Variants in NRDC observed in about 807,000 individuals in gnomAD.
NRDC encodes nardilysin convertase, also known as nardilysin.
In NRDC, 54 loss-of-function variants were observed where a neutral mutation model predicts 147.1. The ratio of observed to expected loss-of-function variants is 0.37; its 90% CI spans 0.29 to 0.46. NRDC has a LOEUF of 0.46. Among genes scored for constraint, NRDC ranks in the 20% least tolerant of loss-of-function variants. The pLI, the probability that NRDC is intolerant of heterozygous loss-of-function variation, is 1.00. For synonymous variants in NRDC, 440 were observed against 482.1 expected (o/e 0.91, Z 1.14); for missense variants, 1,082 against 1,370.6 (o/e 0.79, Z 3.33).
chr1:51,878,114 G>A (rs1226884458), intron 1 of NRDC, 161 bp downstream of exon 1: 1 of 1,423,810 alleles, frequency 7.0e-7, no homozygotes, highest in Middle Eastern at 2.6e-4. Context: ...ACACCACAGG[G>A]AAGCCTCTAA....
chr1:51,846,720 T>C (rs532069345), intron 1 of NRDC, among the ~76,000 whole-genome samples: 123 of 152,382 alleles, frequency 8.1e-4, no homozygotes, highest in African/African-American at 2.6e-3. Flanking sequence ...CCAACAGCGA[T>C]GGAACTCGAC....
In NRDC at chr1:51,878,660, ACCT is replaced by A. The variant is rs781335304; in HGVS notation, c.-48_-46del. The A allele has an allele frequency of 1.4e-5, 22 of 1,526,784 alleles. No individual in the cohort carries two copies. The African/African-American group carries it at 2.5e-4, about 17-fold the overall frequency. 94.6% of individuals were successfully genotyped at this position (1,526,784 alleles called of 1,614,324 possible). On this transcript the variant is annotated 5_prime_UTR_variant, in exon 1 of 31. Coordinates refer to ENST00000352171, the MANE Select transcript of NRDC (RefSeq NM_001101662.2). ...ATGGACATCCCGCTTCCCAGGACCC[ACCT>A]CCTCCGCGTTCTAGAGGCGGTGGCG...
At chr1:51,813,055 G>C (rs1029246607) in intron 14 of NRDC, among the ~76,000 whole-genome samples, 4 of 151,994 alleles carry the variant, frequency 2.6e-5, no homozygotes, top group Admixed American at 2.6e-4. Flanking sequence ...CAATGAGGGA[G>C]GATAACTTGA....
chr1:51,868,573 TGTA>T (rs1682931857), intron 1 of NRDC, among the ~76,000 whole-genome samples: 1 of 152,170 alleles, frequency 6.6e-6, no homozygotes, highest in African/African-American at 2.4e-5. Flanking sequence ...AAATCTATCA[TGTA>T]GTAACAGTAC....
chr1:51,842,974 G>A (rs751163536), intron 1 of NRDC, among the ~76,000 whole-genome samples: 2 of 150,376 alleles, frequency 1.3e-5, no homozygotes, highest in Non-Finnish European at 2.9e-5. Flanking sequence ...TGAGGTGGGA[G>A]GATGGCTTAA....
Position 51,840,207 on chromosome 1 carries a change from A to C in NRDC, c.630+19T>G, listed in dbSNP as rs772202048. ...CCCAAAGAATTCCCAAATTAGAAGA[A>C]AACAGACATGACTCGCACCTGTTTT... On this transcript the variant is annotated intron_variant, in intron 2 of 30. Coordinates refer to ENST00000352171, the MANE Select transcript of NRDC (RefSeq NM_001101662.2). 6 of 1,564,264 alleles carry C rather than the reference A, an allele frequency of 3.8e-6. No individual in the cohort carries two copies. In the South Asian group the frequency reaches 7.4e-5, roughly 19 times the overall value.
chr1:51,798,161 C>T, intron 22 of NRDC, 88 bp downstream of exon 22: 1 of 1,374,758 alleles, frequency 7.3e-7, no homozygotes. Flanking sequence ...CCTGCCAAAA[C>T]TACAGCTTCC....
intron 15 of NRDC, among the ~76,000 whole-genome samples, chr1:51,811,471 G>A (rs1026017732): frequency 3.3e-5 from 5 of 152,160 alleles, no homozygotes; most frequent in East Asian, 1.9e-4. Flanking sequence ...TGGTTGACGC[G>A]CGCTAGCCTG....
intron 1 of NRDC, among the ~76,000 whole-genome samples, chr1:51,876,352 T>A (rs1454329834): frequency 6.6e-6 from 1 of 152,200 alleles, no homozygotes; most frequent in Non-Finnish European, 1.5e-5. Flanking sequence ...TATTTGCGTA[T>A]ACGTAATGAG....
At position 51,814,073 on chromosome 1, in the gene NRDC, G is replaced by A. The variant is rs373749609; in HGVS notation, c.1636C>T (p.Arg546Trp). Reference sequence around the variant, plus strand: ...TGAAATTCATTATCCTCAATTTTCCGAATCTCTTCAAAAATTCTGTGAAGG... The same window carrying A: ...TGAAATTCATTATCCTCAATTTTCCAAATCTCTTCAAAAATTCTGTGAAGG... ...GPEKRIFEEI[R>W]KIEDNEFHYQ... The change falls in exon 14 of 31, where the codon CGG becomes TGG. Residue 546 changes from arginine to tryptophan, a missense_variant. Physicochemically the swap from Arg to Trp is moderately radical, Grantham distance 101 (BLOSUM62 -3). Around this residue, in one of 3 missense-constraint regions of NRDC, gnomAD observed 635 missense variants for 923.8 expected, o/e 0.69. Transcript: ENST00000352171. 130 of 1,601,304 alleles carry A rather than the reference G, an allele frequency of 8.1e-5. No individual in the cohort carries two copies. Among genetic ancestry groups the A allele is most frequent in the Non-Finnish European group, 9.6e-5 (112 of 1,169,282 alleles).
chr1:51,877,431 CAGG>C (rs1683386938), intron 1 of NRDC, among the ~76,000 whole-genome samples: 2 of 152,096 alleles, frequency 1.3e-5, no homozygotes, highest in South Asian at 4.1e-4. Context: ...GAGGCCAAGA[CAGG>C]AGGATTCCCT....
chr1:51,869,116 A>AT (rs2124119166), intron 1 of NRDC, among the ~76,000 whole-genome samples: 1 of 151,836 alleles, frequency 6.6e-6, no homozygotes, highest in African/African-American at 2.4e-5. Flanking sequence ...AGCCCAGCTA[A>AT]TTTTTTAATT....
At chr1:51,863,247 C>A (rs1464927216) in intron 1 of NRDC, among the ~76,000 whole-genome samples, 1 of 151,660 alleles carries the variant, frequency 6.6e-6, no homozygotes, top group African/African-American at 2.4e-5. Context: ...GCTAAAAATA[C>A]AAAAATTAGC....
chr1:51,873,914 C>T (rs1571930656), intron 1 of NRDC, among the ~76,000 whole-genome samples: 1 of 151,770 alleles, frequency 6.6e-6, no homozygotes, highest in East Asian at 2.0e-4. Context: ...TTCGACAGGG[C>T]GTGGTAGCTC....
chr1:51,821,610 T>C (rs1680209503), intron 7 of NRDC, 55 bp from the exon 8 acceptor site: 1 of 1,188,454 alleles, frequency 8.4e-7, no homozygotes, highest in Non-Finnish European at 1.2e-6. Flanking sequence ...TTATTCAAGG[T>C]AGAAATGCAA....
chr1:51,878,498 CAG>C lies in NRDC; in HGVS notation c.116_117del (p.Ser39CysfsTer25), dbSNP rs758367546. 10 of 1,613,924 alleles carry C rather than the reference CAG, an allele frequency of 6.2e-6. No homozygotes were observed. Among genetic ancestry groups the C allele is most frequent in the East Asian group, 2.2e-5 (1 of 44,874 alleles). On this transcript the variant is annotated frameshift_variant, in exon 1 of 31. Transcript: ENST00000352171. LOFTEE classifies it high-confidence loss of function. ...GIETRGRCED[S>X]AAARPFPILA... ...AGAATAGGAAAGGGTCTGGCAGCAG[CAG>C]AGTCTTCGCACCGACCCCGCGTTTC...
Position 51,878,539 on chromosome 1 carries a change from G to C in NRDC, c.77C>G (p.Ala26Gly), listed in dbSNP as rs1015652929. 2 of 1,613,528 alleles carry C rather than the reference G, an allele frequency of 1.2e-6. No homozygotes were observed. Among genetic ancestry groups the C allele is most frequent in the Non-Finnish European group, 1.7e-6 (2 of 1,179,894 alleles). Residue 26 changes from alanine (A) to glycine (G), a missense_variant, in exon 1 of 31, where the codon GCG becomes GGG. Physicochemically the swap from Ala to Gly is moderately conservative, Grantham distance 60. Transcript: ENST00000352171. The stretch of plus-strand genomic sequence containing the variant: ...ACCCCGCGTTTCGATTCCCCAGAGC[G>C]CCGCGAGCTCCCGCCCGGCCTCACA... Reference protein sequence around the residue: ...KLCEAGRELAALWGIETRGRC... With the variant: ...KLCEAGRELAGLWGIETRGRC...
intron 7 of NRDC, 52 bp from the exon 8 acceptor site, chr1:51,821,607 A>C: frequency 8.3e-7 from 1 of 1,210,390 alleles, no homozygotes; most frequent in African/African-American, 1.5e-5. Flanking sequence ...ACATTATTCA[A>C]GGTAGAAATG....
At chr1:51,819,947 C>A in intron 8 of NRDC, 74 bp from the exon 9 acceptor site, 1 of 1,092,880 alleles carries the variant, frequency 9.2e-7, no homozygotes, top group Non-Finnish European at 1.4e-6. Context: ...GGATATCTAA[C>A]TGAGAGATAT....
Sources: allele counts gnomAD v4.1 joint callset (sites outside exome capture counted in the v4.1 genomes callset), GRCh38; gene constraint gnomAD v4.1.1; regional missense constraint gnomAD v4.1.1; transcripts MANE v1.5; gene names NCBI Gene and HGNC (gene_info 2026-07-23, HGNC 2026-07-21).